The following KLHL29 variants were observed in gnomAD, a reference collection of about 807,000 sequenced individuals.
KLHL29 encodes the protein kelch like family member 29.
Under a neutral mutation model 80.4 loss-of-function variants are expected in KLHL29, and 21 were observed. The ratio of observed to expected loss-of-function variants is 0.26; its 90% confidence interval spans 0.19 to 0.38. The LOEUF (loss-of-function observed/expected upper bound fraction) is 0.38. Ranked by LOEUF, KLHL29 falls within the 10% of genes least tolerant of loss-of-function variation. The pLI, the probability that KLHL29 is intolerant of heterozygous loss-of-function variation, is 1.00. For missense variants in KLHL29, 867 were observed against 1,223.9 expected (o/e 0.71, Z 4.35); for synonymous variants, 511 against 526.8 (o/e 0.97, Z 0.41).
chr2:23,463,163 A>G (rs1276916785), intron 1 of KLHL29, among the ~76,000 whole-genome samples: 1 of 149,746 alleles, frequency 6.7e-6, no homozygotes, highest in East Asian at 2.0e-4. Flanking sequence ...GCACTTTTTG[A>G]ATGTGAGGAT....
At chr2:23,569,419 T>G (rs1248589055) in intron 3 of KLHL29, among the ~76,000 whole-genome samples, 1 of 152,264 alleles carries the variant, frequency 6.6e-6, no homozygotes, top group Non-Finnish European at 1.5e-5. Flanking sequence ...AGTTAGGTTT[T>G]CTGCAAAGAG....
chr2:23,639,364 C>T (rs755893593), intron 4 of KLHL29, 84 bp downstream of exon 4: 3 of 1,381,102 alleles, frequency 2.2e-6, no homozygotes, highest in Middle Eastern at 1.9e-4. Flanking sequence ...CCAACTCCTG[C>T]ACAGCAGGTC....
chr2:23,671,087 T>A (rs951663383), intron 5 of KLHL29, among the ~76,000 whole-genome samples: 1 of 150,096 alleles, frequency 6.7e-6, no homozygotes, highest in East Asian at 2.0e-4. Flanking sequence ...TGTTCTGAGC[T>A]GTCATTAGCT....
chr2:23,581,481 G>T (rs1459764784), intron 3 of KLHL29, among the ~76,000 whole-genome samples: 1 of 152,118 alleles, frequency 6.6e-6, no homozygotes, highest in African/African-American at 2.4e-5. Flanking sequence ...CTCCTGATCC[G>T]CCTTCCACTG....
At chr2:23,592,300 CAT>C (rs978728999) in intron 3 of KLHL29, among the ~76,000 whole-genome samples, 2 of 150,976 alleles carry the variant, frequency 1.3e-5, no homozygotes, top group Non-Finnish European at 3.0e-5. Flanking sequence ...TGCCGATTCC[CAT>C]CCTGAGCCCC....
intron 3 of KLHL29, among the ~76,000 whole-genome samples, chr2:23,604,244 C>A (rs1178431444): frequency 1.3e-5 from 2 of 149,554 alleles, no homozygotes; most frequent in Non-Finnish European, 3.0e-5. Flanking sequence ...GCTGGGACTA[C>A]AGGCGCCCGC....
intron 2 of KLHL29, among the ~76,000 whole-genome samples, chr2:23,536,918 A>ACACTCT (rs143009876): frequency 0.21 from 29,287 of 140,490 alleles, 3,478 homozygotes; most frequent in Middle Eastern, 0.27. Flanking sequence ...ACACACACAC[A>ACACTCT]CTCTCTCTCT....
chr2:23,658,305 G>C (rs1167762988), intron 5 of KLHL29, among the ~76,000 whole-genome samples: 1 of 152,134 alleles, frequency 6.6e-6, no homozygotes, highest in Non-Finnish European at 1.5e-5. Context: ...AACCCCCTGA[G>C]CCCTGGACAC....
In KLHL29 at chr2:23,707,346, C is replaced by T. The variant is rs1302881770; in HGVS notation, c.*682C>T. On this transcript the variant is annotated 3_prime_UTR_variant, in exon 14 of 14. Transcript: ENST00000486442. ...GTGATTGCGCTAGCTTTCTCTTACC[C>T]GGTATGAATTATTTAGATTTCTGAG... is the stretch of plus-strand genomic sequence containing the variant. The T allele has an allele frequency of 1.3e-5, 2 of 152,128 alleles. No individual in the cohort carries two copies. Among genetic ancestry groups the T allele is most frequent in the Non-Finnish European group, 2.9e-5 (2 of 68,046 alleles). 9.4% of individuals were successfully genotyped at this position (152,128 alleles called of 1,614,324 possible).
intron 2 of KLHL29, among the ~76,000 whole-genome samples, chr2:23,488,659 A>G (rs1288841749): frequency 1.3e-5 from 2 of 152,232 alleles, no homozygotes; most frequent in South Asian, 2.1e-4. Context: ...AAAAGGACAC[A>G]TTAAGACATC....
At chr2:23,592,936 G>A (rs1036091467) in intron 3 of KLHL29, among the ~76,000 whole-genome samples, 1 of 152,134 alleles carries the variant, frequency 6.6e-6, no homozygotes, top group Non-Finnish European at 1.5e-5. Flanking sequence ...GGTTTTGTAG[G>A]TCTTTAAGAC....
chr2:23,469,874 A>C (rs1303316405), intron 1 of KLHL29, among the ~76,000 whole-genome samples: 2 of 151,976 alleles, frequency 1.3e-5, no homozygotes, highest in East Asian at 3.9e-4. Context: ...TGCAAGGGTC[A>C]TTCCGGTTCT....
intron 3 of KLHL29, among the ~76,000 whole-genome samples, chr2:23,591,435 C>T (rs774734830): frequency 2.0e-5 from 3 of 152,102 alleles, no homozygotes; most frequent in Non-Finnish European, 4.4e-5. Context: ...TTCAGACTCA[C>T]TTCTTCCCCC....
intron 1 of KLHL29, among the ~76,000 whole-genome samples, chr2:23,441,634 G>C (rs1198083127): frequency 6.6e-6 from 1 of 152,132 alleles, no homozygotes; most frequent in African/African-American, 2.4e-5. Flanking sequence ...AGCTAACATG[G>C]CTTGACTGAG....
intron 5 of KLHL29, among the ~76,000 whole-genome samples, chr2:23,657,409 A>G (rs1317228058): frequency 1.3e-5 from 2 of 152,246 alleles, no homozygotes; most frequent in Admixed American, 6.5e-5. Context: ...CACAGTAGGC[A>G]AAGCCCACTA....
chr2:23,504,391 G>A (rs1010354665), intron 2 of KLHL29, among the ~76,000 whole-genome samples: 1 of 152,188 alleles, frequency 6.6e-6, no homozygotes, highest in Non-Finnish European at 1.5e-5. Flanking sequence ...ACTAAGAAGA[G>A]CTACAGGCAG....
At chr2:23,602,252 A>G (rs887573094) in intron 3 of KLHL29, among the ~76,000 whole-genome samples, 1 of 152,088 alleles carries the variant, frequency 6.6e-6, no homozygotes, top group African/African-American at 2.4e-5. Flanking sequence ...TGCCTCCCAG[A>G]GCATCTCCTG....
rs988377096 is a variant in KLHL29 at position 23,562,393 on chromosome 2, C to T, written c.197C>T (p.Pro66Leu). 27 of 1,538,864 alleles carry T rather than the reference C, an allele frequency of 1.8e-5. No homozygotes were observed. Among genetic ancestry groups the T allele is most frequent in the Admixed American group, 9.8e-5 (5 of 50,922 alleles). The part of the protein sequence containing the change: ...LPVVPSRLPT[P>L]ATAPAPCTTG... ...GTGGTGCCCTCCCGGCTGCCCACCC[C>T]GGCTACAGCTCCTGCTCCCTGCACC... Residue 66 changes from proline (P) to leucine (L), a missense_variant, in exon 3 of 14, where the codon CCG (proline) becomes CTG (leucine). By Grantham distance (98) the Pro-to-Leu change is moderately conservative. Transcript: ENST00000486442. The surrounding 1 kb of genome is among the most constrained non-coding windows in gnomAD (Gnocchi z 4.5).
intron 3 of KLHL29, among the ~76,000 whole-genome samples, chr2:23,635,890 G>T (rs1669594636): frequency 6.6e-6 from 1 of 152,242 alleles, no homozygotes; most frequent in Admixed American, 6.5e-5. Flanking sequence ...GGGGAAGCTT[G>T]CTCAATTCTG....
Sources: gnomAD v4.1 joint callset for allele counts (sites outside exome capture counted in the v4.1 genomes callset) on GRCh38, gnomAD v4.1.1 for gene constraint, Gnocchi (gnomAD v3.1) non-coding constraint, MANE v1.5 for transcripts, NCBI Gene and HGNC (gene_info 2026-07-23, HGNC 2026-07-21) for gene names.